MAMLD1: variants seen among roughly 807,000 people sequenced by gnomAD.
The protein encoded by MAMLD1 is mastermind like domain containing 1.
In MAMLD1, 14 loss-of-function variants were observed where a neutral mutation model predicts 45.0. The ratio of observed to expected loss-of-function variants is 0.31; its 90% CI spans 0.21 to 0.49. The LOEUF is 0.49. Ranked by LOEUF, MAMLD1 falls within the 20% of genes least tolerant of loss-of-function variation. MAMLD1 has a pLI of 0.99. For missense variants in MAMLD1, 543 were observed against 603.6 expected (o/e 0.90, Z 1.05); for synonymous variants, 254 against 247.8 (o/e 1.02, Z -0.24).
chrX:150,387,807 T>C (rs182357109), intron 1 of MAMLD1, among the ~76,000 whole-genome samples: 88 of 112,197 alleles, frequency 7.8e-4, no homozygotes, highest in Admixed American at 3.5e-3. Context: ...ATTTTTCTTT[T>C]TTAAACTGTT....
chrX:150,417,646 T>A (rs1180123272), intron 1 of MAMLD1, among the ~76,000 whole-genome samples: 2 of 105,985 alleles, frequency 1.9e-5, no homozygotes, highest in Non-Finnish European at 3.9e-5. Flanking sequence ...AGTGTTCCTA[T>A]TTCTCCACAT....
chrX:150,412,360 A>G (rs1397979491), intron 1 of MAMLD1, among the ~76,000 whole-genome samples: 1 of 110,650 alleles, frequency 9.0e-6, no homozygotes, highest in African/African-American at 3.3e-5. Context: ...AAGCACTGAC[A>G]CAGACGGAGA....
intron 1 of MAMLD1, among the ~76,000 whole-genome samples, chrX:150,385,860 T>C (rs1366377838): frequency 8.9e-6 from 1 of 112,448 alleles, no homozygotes; most frequent in Non-Finnish European, 1.9e-5. Flanking sequence ...TCCTGTATCA[T>C]AGAAGGGTTC....
At chrX:150,469,611 C>G in intron 3 of MAMLD1, 134 bp from the exon 4 acceptor site, 5 of 483,911 alleles carry the variant, frequency 1.0e-5, no homozygotes, top group Non-Finnish European at 1.4e-5. Context: ...AAATTCCTCT[C>G]TCTCTCTCTC....
chrX:150,478,716 C>G (rs188785434), intron 5 of MAMLD1, among the ~76,000 whole-genome samples: 255 of 112,425 alleles, frequency 2.3e-3, no homozygotes, highest in African/African-American at 7.3e-3. Flanking sequence ...GGGTCAGAGC[C>G]GGGGCCTGCC....
At chrX:150,423,614 A>AAGAGAGAG (rs138772700) in intron 1 of MAMLD1, among the ~76,000 whole-genome samples, 1 of 101,642 alleles carries the variant, frequency 9.8e-6, no homozygotes, top group African/African-American at 3.6e-5. Flanking sequence ...AAGAGAGAGA[A>AAGAGAGAG]AGAGAGAGAG....
chrX:150,409,734 G>A (rs1369009279), intron 1 of MAMLD1, among the ~76,000 whole-genome samples: 8 of 111,247 alleles, frequency 7.2e-5, no homozygotes, highest in South Asian at 3.8e-4. Context: ...TCACTGGCTC[G>A]GCCGGCTCTC....
intron 1 of MAMLD1, among the ~76,000 whole-genome samples, chrX:150,397,845 A>G (rs1460736853): frequency 1.8e-5 from 2 of 111,676 alleles, no homozygotes; most frequent in African/African-American, 6.5e-5. Flanking sequence ...GGAACCATCA[A>G]GTCATCTATC....
intron 1 of MAMLD1, among the ~76,000 whole-genome samples, chrX:150,431,247 A>G (rs1023527841): frequency 8.9e-6 from 1 of 111,846 alleles, no homozygotes; most frequent in African/African-American, 3.3e-5. Context: ...GCTAGTATAC[A>G]GGAATGCAAT....
chrX:150,422,305 A>T (rs2034545476), intron 1 of MAMLD1, among the ~76,000 whole-genome samples: 1 of 112,257 alleles, frequency 8.9e-6, no homozygotes, highest in South Asian at 3.7e-4. Context: ...CTGGCTTGGG[A>T]TTCAGGGAAT....
chrX:150,414,724 A>G (rs2034208543), intron 1 of MAMLD1, among the ~76,000 whole-genome samples: 1 of 111,812 alleles, frequency 8.9e-6, no homozygotes, highest in South Asian at 3.7e-4. Context: ...TATAGTGTGG[A>G]GGAAATGTGG....
At chrX:150,488,225 C>G (rs1375649362) in intron 5 of MAMLD1, among the ~76,000 whole-genome samples, 2 of 112,497 alleles carry the variant, frequency 1.8e-5, no homozygotes, top group Non-Finnish European at 3.8e-5. Context: ...TTCCCCCATG[C>G]CCATTTGGGT....
intron 2 of MAMLD1, among the ~76,000 whole-genome samples, chrX:150,453,104 A>G (rs979374647): frequency 1.8e-4 from 20 of 111,684 alleles, no homozygotes; most frequent in Admixed American, 1.7e-3. Context: ...ATGGGCCTAC[A>G]TGGCCCCCTG....
At chrX:150,373,239 A>C (rs976317239) in intron 1 of MAMLD1, among the ~76,000 whole-genome samples, 70 of 111,084 alleles carry the variant, frequency 6.3e-4, no homozygotes, top group African/African-American at 1.7e-3. Context: ...TTTTATCCCC[A>C]CCTTCCCAAA....
chrX:150,403,170 A>T (rs1380160184), intron 1 of MAMLD1, among the ~76,000 whole-genome samples: 11 of 111,964 alleles, frequency 9.8e-5, no homozygotes, highest in Non-Finnish European at 1.3e-4. Context: ...AGGAATCCCC[A>T]AAACATGATA....
At chrX:150,491,101 C>A (rs1335498900) in intron 5 of MAMLD1, among the ~76,000 whole-genome samples, 2 of 111,333 alleles carry the variant, frequency 1.8e-5, no homozygotes, top group Admixed American at 1.9e-4. Flanking sequence ...AGACTGTCCA[C>A]TGCACTGAAT....
intron 1 of MAMLD1, among the ~76,000 whole-genome samples, chrX:150,364,501 T>A (rs781848443): frequency 8.9e-6 from 1 of 112,376 alleles, no homozygotes; most frequent in African/African-American, 3.2e-5. Flanking sequence ...TGCAGCTGGG[T>A]GCGGCTGACC....
intron 5 of MAMLD1, among the ~76,000 whole-genome samples, chrX:150,501,463 T>A (rs1337714317): frequency 2.7e-5 from 3 of 112,430 alleles, no homozygotes; most frequent in Non-Finnish European, 5.6e-5. Context: ...AAGCTGCAGA[T>A]GGCCGGTGAG....
At chrX:150,452,752 C>T (rs181666761) in intron 2 of MAMLD1, among the ~76,000 whole-genome samples, 2 of 74,385 alleles carry the variant, frequency 2.7e-5, no homozygotes, top group African/African-American at 5.2e-5. Context: ...TCCCTCCCCC[C>T]TCCCCCCACC....
Sources: gnomAD v4.1 joint callset for allele counts (sites outside exome capture counted in the v4.1 genomes callset) on GRCh38, gnomAD v4.1.1 for gene constraint, MANE v1.5 for transcripts, NCBI Gene and HGNC (gene_info 2026-07-23, HGNC 2026-07-21) for gene names.